Variants in STRBP observed in about 807,000 individuals in gnomAD.
STRBP encodes the protein spermatid perinuclear RNA binding protein.
STRBP carries 13 observed loss-of-function variants against 80.1 expected under a neutral mutation model. That is an observed-to-expected ratio of 0.16 (90% CI 0.11 to 0.26). The LOEUF is 0.26. STRBP is among the 10% of genes least tolerant of loss of function. The probability of loss-of-function intolerance (pLI) is 1.00; values close to 1 mark genes in which losing one functional copy is unlikely to be tolerated. For missense variants in STRBP, 485 were observed against 815.2 expected (o/e 0.59, Z 4.93); for synonymous variants, 284 against 291.2 (o/e 0.98, Z 0.25).
At chr9:123,206,313 T>C (rs1261189949) in intron 2 of STRBP, among the ~76,000 whole-genome samples, 3 of 152,132 alleles carry the variant, frequency 2.0e-5, no homozygotes, top group Non-Finnish European at 4.4e-5. Flanking sequence ...AAACAGACAA[T>C]TGGGGAAATT....
At chr9:123,215,230 G>A (rs1384187296) in intron 2 of STRBP, among the ~76,000 whole-genome samples, 2 of 151,752 alleles carry the variant, frequency 1.3e-5, no homozygotes, top group Admixed American at 6.6e-5. Context: ...CTGGCTAACT[G>A]TTTTATTGTA....
At chr9:123,147,985 C>T (rs898768771) in intron 11 of STRBP, 115 bp from the exon 12 acceptor site, 50 of 866,214 alleles carry the variant, frequency 5.8e-5, no homozygotes, top group Middle Eastern at 5.0e-4. Flanking sequence ...AAGGACCATA[C>T]AACTTTTTCA....
At chr9:123,249,589 T>C (rs2040869841) in intron 1 of STRBP, among the ~76,000 whole-genome samples, 1 of 152,086 alleles carries the variant, frequency 6.6e-6, no homozygotes, top group Non-Finnish European at 1.5e-5. Context: ...TATAGTGAGG[T>C]ATGATTGCAC....
chr9:123,129,986 A>G (rs2036066843), intron 17 of STRBP, among the ~76,000 whole-genome samples: 1 of 152,206 alleles, frequency 6.6e-6, no homozygotes, highest in Non-Finnish European at 1.5e-5. Flanking sequence ...AAGGTTAGCT[A>G]TCAAATTTAT....
At chr9:123,144,000 C>A (rs2036701544) in intron 13 of STRBP, among the ~76,000 whole-genome samples, 1 of 152,052 alleles carries the variant, frequency 6.6e-6, no homozygotes, top group African/African-American at 2.4e-5. Flanking sequence ...GAGTTCAAGA[C>A]CAGCCTGGCC....
chr9:123,175,465 A>T (rs577613253), intron 4 of STRBP, among the ~76,000 whole-genome samples: 2 of 152,324 alleles, frequency 1.3e-5, no homozygotes, highest in Non-Finnish European at 2.9e-5. Context: ...GAAGATAAAT[A>T]ATCCAGCCAT....
At chr9:123,116,175 C>T (rs2035641724) in intron 2 of STRBP, 1 of 446,622 alleles carries the variant, frequency 2.2e-6, no homozygotes, top group Admixed American at 2.4e-5. Flanking sequence ...GGGATCCCAA[C>T]ACCAGATTGC....
intron 6 of STRBP, among the ~76,000 whole-genome samples, chr9:123,162,322 T>C (rs2037555907): frequency 6.6e-6 from 1 of 151,912 alleles, no homozygotes; most frequent in Admixed American, 6.6e-5. Flanking sequence ...CCTCCCAGGC[T>C]CAAGCGATCC....
intron 8 of STRBP, among the ~76,000 whole-genome samples, chr9:123,159,529 A>G (rs2037433444): frequency 6.6e-6 from 1 of 152,220 alleles, no homozygotes; most frequent in Admixed American, 6.5e-5. Context: ...ATAAGTTAGT[A>G]ATAGCTAATA....
At chr9:123,206,286 C>T (rs1175878561) in intron 2 of STRBP, among the ~76,000 whole-genome samples, 1 of 152,078 alleles carries the variant, frequency 6.6e-6, no homozygotes, top group African/African-American at 2.4e-5. Flanking sequence ...ATTTTAAATA[C>T]CGTAGATAAA....
At chr9:123,243,563 T>G (rs2040741568) in intron 1 of STRBP, among the ~76,000 whole-genome samples, 1 of 151,994 alleles carries the variant, frequency 6.6e-6, no homozygotes, top group African/African-American at 2.4e-5. Flanking sequence ...ACAAACCACA[T>G]ACCCAATAAA....
At position 123,110,316 on chromosome 9, in the gene STRBP, A is replaced by T. The variant is rs1048180707; in HGVS notation, c.*85-563T>A. The T allele has an allele frequency of 1.3e-5, 2 of 158,666 alleles. No individual in the cohort carries two copies. The highest frequency in any genetic ancestry group is 4.8e-5 in the African/African-American group (2 of 41,448). The allele number at this position is 158,666 out of a possible 1,614,324, so 9.8% of individuals were successfully genotyped here. A position where few individuals can be genotyped will look rare whatever the true frequency, so the allele number is the denominator to read the frequency against. ...CTAACGGTATGATGAACCTGGCCCT[A>T]GGCCAGCCCCTTCCCCAGCACCCCC... On this transcript the variant is annotated intron_variant and NMD_transcript_variant, in intron 3 of 3. Coordinates refer to the STRBP transcript ENST00000471564. The surrounding 1 kb of genome is among the most constrained non-coding windows in gnomAD (Gnocchi z 4.1).
At chr9:123,265,769 T>C (rs1030756528) in intron 1 of STRBP, among the ~76,000 whole-genome samples, 15 of 152,176 alleles carry the variant, frequency 9.9e-5, no homozygotes, top group Admixed American at 6.5e-5. Context: ...AAAGCTAACA[T>C]TACACTTCCC....
intron 6 of STRBP, among the ~76,000 whole-genome samples, chr9:123,162,842 A>AT (rs1211559474): frequency 6.6e-6 from 1 of 152,230 alleles, no homozygotes; most frequent in East Asian, 1.9e-4. Flanking sequence ...ATATAGCTCA[A>AT]TTTTGTCTTT....
rs375963511 is a variant in STRBP at position 123,160,357 on chromosome 9, A to G, written c.723+10T>C. 3 of 1,557,464 alleles carry G rather than the reference A, an allele frequency of 1.9e-6. No individual in the cohort carries two copies. Among genetic ancestry groups the G allele is most frequent in the Non-Finnish European group, 2.6e-6 (3 of 1,142,840 alleles). On this transcript the variant is annotated intron_variant, in intron 8 of 18. Coordinates refer to ENST00000348403, the MANE Select transcript of STRBP (RefSeq NM_018387.5). ...TCCAAATTTGCTTTTAGCCATATTT[A>G]AGTACTTACCCATCCTTTCAATGGT...
intron 2 of STRBP, among the ~76,000 whole-genome samples, chr9:123,220,912 A>C (rs1488483815): frequency 1.3e-5 from 2 of 152,144 alleles, no homozygotes; most frequent in Non-Finnish European, 2.9e-5. Flanking sequence ...AGGTCTATCT[A>C]GCTCCAAAAT....
intron 6 of STRBP, among the ~76,000 whole-genome samples, chr9:123,165,550 A>G (rs1293717360): frequency 6.6e-6 from 1 of 152,206 alleles, no homozygotes; most frequent in Non-Finnish European, 1.5e-5. Flanking sequence ...AGTCTAAGCC[A>G]CAAGTGTCTC....
At chr9:123,200,485 A>G (rs1328812133) in intron 2 of STRBP, among the ~76,000 whole-genome samples, 1 of 151,446 alleles carries the variant, frequency 6.6e-6, no homozygotes, top group Non-Finnish European at 1.5e-5. Flanking sequence ...TTTCAGTAGG[A>G]TTGGTACCAA....
chr9:123,178,604 T>C (rs1483387173), intron 4 of STRBP, among the ~76,000 whole-genome samples: 3 of 152,186 alleles, frequency 2.0e-5, no homozygotes, highest in Non-Finnish European at 2.9e-5. Flanking sequence ...TCCTACACTC[T>C]TTCTTCTACA....
Sources: gnomAD v4.1 joint callset for allele counts (sites outside exome capture counted in the v4.1 genomes callset) on GRCh38, gnomAD v4.1.1 for gene constraint, Gnocchi (gnomAD v3.1) non-coding constraint, MANE v1.5 for transcripts, NCBI Gene and HGNC (gene_info 2026-07-23, HGNC 2026-07-21) for gene names.